Variants in PTPRG observed in about 807,000 individuals in gnomAD.
PTPRG encodes the protein protein tyrosine phosphatase receptor type G.
PTPRG carries 102 observed loss-of-function variants against 165.3 expected under a neutral mutation model. The ratio of observed to expected loss-of-function variants is 0.62; its 90% CI spans 0.53 to 0.73. The LOEUF is 0.73. Among genes scored for constraint, PTPRG ranks in the 30% least tolerant of loss-of-function variants. The pLI, the probability that PTPRG is intolerant of heterozygous loss-of-function variation, is 0.00. For synonymous variants in PTPRG, 675 were observed against 669.5 expected (o/e 1.01, Z -0.13); for missense variants, 1,866 against 1,861.4 (o/e 1.00, Z -0.05).
intron 2 of PTPRG, among the ~76,000 whole-genome samples, chr3:61,842,372 G>A (rs1045204919): frequency 6.6e-6 from 1 of 152,164 alleles, no homozygotes; most frequent in African/African-American, 2.4e-5. Context: ...AGTCTGGTGA[G>A]CAGCAATCCT....
At chr3:62,281,013 C>A (rs763322780) in intron 26 of PTPRG, among the ~76,000 whole-genome samples, 1 of 151,898 alleles carries the variant, frequency 6.6e-6, no homozygotes, top group Non-Finnish European at 1.5e-5. Context: ...GCTGTTCCTG[C>A]CACAAAAATG....
chr3:61,956,868 T>A (rs1367166735), intron 2 of PTPRG, among the ~76,000 whole-genome samples: 1 of 152,214 alleles, frequency 6.6e-6, no homozygotes, highest in East Asian at 1.9e-4. Flanking sequence ...AGTACCACAG[T>A]GTGTTTTTCA....
intron 2 of PTPRG, among the ~76,000 whole-genome samples, chr3:61,815,295 A>G (rs953345317): frequency 6.6e-6 from 1 of 151,536 alleles, no homozygotes; most frequent in Non-Finnish European, 1.5e-5. Flanking sequence ...CTGTAATCCC[A>G]GCTACGTGGG....
At chr3:61,897,612 G>A (rs567138024) in intron 2 of PTPRG, among the ~76,000 whole-genome samples, 1 of 152,246 alleles carries the variant, frequency 6.6e-6, no homozygotes, top group East Asian at 1.9e-4. Context: ...GTGGATGTCT[G>A]CAAAAACTTT....
intron 1 of PTPRG, among the ~76,000 whole-genome samples, chr3:61,573,181 A>G (rs897122761): frequency 6.6e-6 from 1 of 152,216 alleles, no homozygotes; most frequent in African/African-American, 2.4e-5. Flanking sequence ...GTGTTTTGAA[A>G]AATCGCTCAT....
intron 2 of PTPRG, among the ~76,000 whole-genome samples, chr3:61,753,881 C>T (rs188249744): frequency 6.6e-6 from 1 of 152,146 alleles, no homozygotes; most frequent in Non-Finnish European, 1.5e-5. Flanking sequence ...CAAGTGTGAG[C>T]CACCACACCC....
intron 1 of PTPRG, among the ~76,000 whole-genome samples, chr3:61,579,971 A>G (rs777770490): frequency 6.6e-6 from 1 of 152,224 alleles, no homozygotes; most frequent in South Asian, 2.1e-4. Context: ...ATTTGTGACA[A>G]TTTTTAAAAA....
intron 19 of PTPRG, 131 bp from the exon 20 acceptor site, chr3:62,268,904 T>G: frequency 2.9e-6 from 3 of 1,017,624 alleles, no homozygotes; most frequent in Non-Finnish European, 4.0e-6. Flanking sequence ...GCAGTTAAAC[T>G]CACGTATTCC....
intron 28 of PTPRG, among the ~76,000 whole-genome samples, chr3:62,283,351 T>C (rs1211794442): frequency 6.6e-6 from 1 of 152,150 alleles, no homozygotes; most frequent in Non-Finnish European, 1.5e-5. Flanking sequence ...AAGTCTTCAG[T>C]ACTGTCTTTT....
intron 6 of PTPRG, among the ~76,000 whole-genome samples, chr3:62,144,222 G>GTAGC (rs1704035751): frequency 6.6e-6 from 1 of 152,172 alleles, no homozygotes; most frequent in Non-Finnish European, 1.5e-5. Context: ...CATCTAAACG[G>GTAGC]TAGCTATTGT....
At chr3:61,950,575 A>G (rs1419316726) in intron 2 of PTPRG, among the ~76,000 whole-genome samples, 1 of 152,002 alleles carries the variant, frequency 6.6e-6, no homozygotes, top group Non-Finnish European at 1.5e-5. Context: ...TTTTTAATAC[A>G]TTTTTTTAAA....
At chr3:61,644,930 T>C (rs1702161258) in intron 1 of PTPRG, among the ~76,000 whole-genome samples, 1 of 152,238 alleles carries the variant, frequency 6.6e-6, no homozygotes, top group Non-Finnish European at 1.5e-5. Flanking sequence ...ATAACCCATT[T>C]GCTGCTGGAA....
chr3:62,275,588 C>T (rs760330191), intron 23 of PTPRG, among the ~76,000 whole-genome samples: 1 of 152,132 alleles, frequency 6.6e-6, no homozygotes, highest in East Asian at 1.9e-4. Context: ...CACAGGAAGA[C>T]CCCAATTCTA....
At chr3:61,617,702 A>G (rs1380165492) in intron 1 of PTPRG, among the ~76,000 whole-genome samples, 1 of 152,198 alleles carries the variant, frequency 6.6e-6, no homozygotes, top group African/African-American at 2.4e-5. Context: ...ACACTGAAGA[A>G]TTTTGGAAGA....
At chr3:62,212,796 C>T (rs570354146) in intron 12 of PTPRG, among the ~76,000 whole-genome samples, 1 of 152,292 alleles carries the variant, frequency 6.6e-6, no homozygotes, top group East Asian at 1.9e-4. Flanking sequence ...CTAGTGGAAG[C>T]TACCATTGCT....
rs113994286 is a variant in PTPRG, at chr3:62,124,014, G to A, written c.616-8588G>A. Among the ~76,000 whole-genome samples the A allele has an allele frequency of 5.0e-3, 765 of 152,136 alleles. 6 individuals are homozygous for A. Among genetic ancestry groups the A allele is most frequent in the African/African-American group, 0.018 (733 of 41,526 alleles). ...TTTTTCATAAATAACGAATATCACA[G>A]TCCAAGTGAGAGAACACCCTGGGAA... is the stretch of plus-strand genomic sequence containing the variant. On this transcript the variant is annotated intron_variant, in intron 5 of 29. Transcript: ENST00000474889.
chr3:62,276,053 T>C (rs985564282), intron 24 of PTPRG, 87 bp downstream of exon 24: 2 of 960,836 alleles, frequency 2.1e-6, no homozygotes, highest in African/African-American at 3.3e-5. Flanking sequence ...ATGCTATTGA[T>C]AGCACCCTTC....
In PTPRG at chr3:62,248,030, T is replaced by C. The variant is rs552549433; in HGVS notation, c.2467+4132T>C. Among the ~76,000 whole-genome samples the C allele has an allele frequency of 8.9e-4, 132 of 147,950 alleles. 2 individuals carry two copies. The highest frequency in any genetic ancestry group is 7.1e-3 in the Middle Eastern group (2 of 282). On this transcript the variant is annotated intron_variant, in intron 15 of 29. Coordinates refer to ENST00000474889, the MANE Select transcript of PTPRG (RefSeq NM_002841.4). ...TTTTAAGAACGAAGACTTTTTTTTTTCCCCTGGTCTCACCTAACACTTATG... is the reference window on the plus strand; with the variant it reads ...TTTTAAGAACGAAGACTTTTTTTTTCCCCCTGGTCTCACCTAACACTTATG...
chr3:62,170,387 C>A (rs1705171181), intron 8 of PTPRG, among the ~76,000 whole-genome samples: 1 of 152,032 alleles, frequency 6.6e-6, no homozygotes, highest in Non-Finnish European at 1.5e-5. Flanking sequence ...ATTCCTATCA[C>A]AAGTGAGTGC....
Sources: allele counts gnomAD v4.1 joint callset (sites outside exome capture counted in the v4.1 genomes callset), GRCh38; gene constraint gnomAD v4.1.1; transcripts MANE v1.5; gene names NCBI Gene and HGNC (gene_info 2026-07-23, HGNC 2026-07-21).